RYR1: variants seen among roughly 807,000 people sequenced by gnomAD.
RYR1 encodes the protein ryanodine receptor 1.
RYR1 carries 342 observed loss-of-function variants against 583.5 expected under a neutral mutation model. That is an observed-to-expected ratio of 0.59 (90% CI 0.54 to 0.64). RYR1 has a LOEUF of 0.64. Among genes scored for constraint, RYR1 ranks in the 30% least tolerant of loss-of-function variants. The pLI is 0.00. For missense variants in RYR1, 6,032 were observed against 6,917.2 expected (o/e 0.87, Z 4.54); for synonymous variants, 2,791 against 2,822.5 (o/e 0.99, Z 0.35).
At chr19:38,567,216 G>C (rs1382325726) in intron 92 of RYR1, among the ~76,000 whole-genome samples, 1 of 152,126 alleles carries the variant, frequency 6.6e-6, no homozygotes, top group Non-Finnish European at 1.5e-5. Context: ...ATGGTGGTGT[G>C]TGGGGAGGCT....
At chr19:38,447,302 A>G (rs1600652164) in intron 9 of RYR1, among the ~76,000 whole-genome samples, 1 of 152,206 alleles carries the variant, frequency 6.6e-6, no homozygotes, top group East Asian at 1.9e-4. Flanking sequence ...GCACTTTGGG[A>G]GGCCGAGGCA....
chr19:38,500,515 C>G lies in RYR1; in HGVS notation c.7324-91C>G. 1 of 1,578,482 alleles carries G rather than the reference C, an allele frequency of 6.3e-7. No homozygotes were observed. The highest frequency in any genetic ancestry group is 1.1e-5 in the South Asian group (1 of 90,050). ...CCTCCTGAGAAAGAGGCCTGCTCTA[C>G]CCTCCTGTGTGGTAAGGGAGGGAGC... On this transcript the variant is annotated intron_variant, in intron 45 of 105. Coordinates refer to ENST00000359596, the MANE Select transcript of RYR1 (RefSeq NM_000540.3). The surrounding 1 kb of genome is among the most constrained non-coding windows in gnomAD (Gnocchi z 5.9).
In RYR1 at chr19:38,463,426, G is replaced by A; in HGVS notation, c.2581G>A (p.Val861Ile). The A allele has an allele frequency of 6.2e-7, 1 of 1,613,870 alleles. No homozygotes were observed. Among genetic ancestry groups the A allele is most frequent in the Non-Finnish European group, 8.5e-7 (1 of 1,179,972 alleles). ...AAGAACGTCCCTCTGCCTCTAGATT[G>A]TCCTGCCGCCCCATCTGGAGCGCAT... ...VPCPVDTVQI[V>I]LPPHLERIRE... is the part of the protein sequence containing the mutation. The change falls in exon 21 of 106, where the codon GTC becomes ATC. Residue 861 changes from valine to isoleucine, a missense_variant. Val to Ile is a conservative substitution (Grantham distance 29). Coordinates refer to ENST00000359596, the MANE Select transcript of RYR1 (RefSeq NM_000540.3).
rs939858980 is a variant in RYR1 at position 38,567,042 on chromosome 19, G to A, written c.13514+55G>A. The A allele has an allele frequency of 1.9e-5, 29 of 1,549,924 alleles. 1 individual carries two copies. In the Admixed American group the frequency reaches 4.1e-4, roughly 22 times the overall value. ...CCCCTATCACTGCCTCCCTCCTAGAGTAGGAGCCTCCAGAGGTCAGGCCCC... is the reference window on the plus strand; with the variant it reads ...CCCCTATCACTGCCTCCCTCCTAGAATAGGAGCCTCCAGAGGTCAGGCCCC... On this transcript the variant is annotated intron_variant, in intron 92 of 105. Coordinates refer to ENST00000359596, the MANE Select transcript of RYR1 (RefSeq NM_000540.3).
rs886054407 is a variant in RYR1 at position 38,565,676 on chromosome 19, C to G, written c.13342C>G (p.Pro4448Ala). ...CGTGACCGATGGGGGCCCCTTCCGG[C>G]CCGAAGGGGCTGGCGGTCTCGGGGA... Reference protein sequence around the residue: ...VAVTDGGPFRPEGAGGLGDMG... With the variant: ...VAVTDGGPFRAEGAGGLGDMG... The change falls in exon 91 of 106, where the codon CCC (proline) becomes GCC (alanine). Residue 4448 changes from proline (P) to alanine (A), a missense_variant. Coordinates refer to ENST00000359596, the MANE Select transcript of RYR1 (RefSeq NM_000540.3). This position sits in a 1 kb window ranked among gnomAD's most constrained non-coding sequence, Gnocchi z 4.7. The G allele has an allele frequency of 2.9e-6, 4 of 1,396,220 alleles. No homozygotes were observed. Among genetic ancestry groups the G allele is most frequent in the Middle Eastern group, 2.6e-4 (1 of 3,858 alleles). The allele number at this position is 1,396,220 out of a possible 1,614,324, so 86.5% of individuals were successfully genotyped here. A position where few individuals can be genotyped will look rare whatever the true frequency, so the allele number is the denominator to read the frequency against.
At chr19:38,463,290 C>T (rs1675562143) in intron 20 of RYR1, 133 bp from the exon 21 acceptor site, 1 of 725,084 alleles carries the variant, frequency 1.4e-6, no homozygotes, top group Non-Finnish European at 2.5e-6. Flanking sequence ...GGATGGGGAG[C>T]AGGGCTGCTG....
intron 95 of RYR1, 89 bp from the exon 96 acceptor site, chr19:38,573,088 A>G: frequency 6.3e-7 from 1 of 1,582,264 alleles, no homozygotes; most frequent in African/African-American, 1.3e-5. Flanking sequence ...GGTCACACAC[A>G]GACCCCAGCA....
At chr19:38,510,030 T>C (rs1024773253) in intron 58 of RYR1, among the ~76,000 whole-genome samples, 1 of 151,892 alleles carries the variant, frequency 6.6e-6, no homozygotes, top group Non-Finnish European at 1.5e-5. Context: ...GATCAAGGAG[T>C]TGTCAGCTTC....
chr19:38,549,647 C>G (rs1303687065), intron 89 of RYR1, among the ~76,000 whole-genome samples: 3 of 151,618 alleles, frequency 2.0e-5, no homozygotes, highest in African/African-American at 7.3e-5. Flanking sequence ...CCCACATTGC[C>G]CAAATGTTTT....
At position 38,586,516 on chromosome 19, in the gene RYR1, C is replaced by T. The variant is rs930599826; in HGVS notation, c.14970-9C>T. On this transcript the variant is annotated splice_polypyrimidine_tract_variant and intron_variant, in intron 104 of 105. Coordinates refer to ENST00000359596, the MANE Select transcript of RYR1 (RefSeq NM_000540.3). ...TCTGACTTGTCTCCTGTGGTCCTCT[C>T]ACCCTCAGGTTTTTCCTGATGTATT... is the stretch of plus-strand genomic sequence containing the variant. 1.2e-6 allele frequency: 2 copies of T among 1,613,342 alleles called. No homozygotes were observed. Among genetic ancestry groups the T allele is most frequent in the African/African-American group, 2.7e-5 (2 of 74,908 alleles).
At chr19:38,450,960 G>A (rs1006459738) in intron 11 of RYR1, among the ~76,000 whole-genome samples, 49 of 152,282 alleles carry the variant, frequency 3.2e-4, no homozygotes, top group African/African-American at 1.2e-3. Flanking sequence ...AAACTCTGCC[G>A]AGGACTCTGT....
chr19:38,448,258 C>A (rs1201132999), intron 9 of RYR1, 97 bp from the exon 10 acceptor site: 1 of 1,380,320 alleles, frequency 7.2e-7, no homozygotes, highest in Non-Finnish European at 9.9e-7. Context: ...ATAGCAAGAC[C>A]TGGTTTCTGT....
rs761622550 is a variant in RYR1 at position 38,505,871 on chromosome 19, G to T, written c.8466G>T (p.Thr2822=). ...SLKAMIAWEW[T]IEKAREGEEE... is the part of the protein sequence containing the mutation. ...AGGCCATGATTGCCTGGGAATGGAC[G>T]ATAGAGAAGGCCAGGGAGGGTGAGG... is the stretch of plus-strand genomic sequence containing the variant. The change falls in exon 54 of 106, where the codon ACG becomes ACT. Residue 2822 remains threonine (T), a synonymous_variant. Coordinates refer to ENST00000359596, the MANE Select transcript of RYR1 (RefSeq NM_000540.3). 1 of 1,614,108 alleles carries T rather than the reference G, an allele frequency of 6.2e-7. No individual in the cohort carries two copies. Among genetic ancestry groups the T allele is most frequent in the Non-Finnish European group, 8.5e-7 (1 of 1,180,016 alleles).
chr19:38,434,357 G>A (rs992318191), intron 1 of RYR1, among the ~76,000 whole-genome samples: 2 of 152,118 alleles, frequency 1.3e-5, no homozygotes, highest in Non-Finnish European at 2.9e-5. Flanking sequence ...TGAGGGTCTT[G>A]TGGGGGAGGG....
intron 2 of RYR1, 45 bp from the exon 3 acceptor site, chr19:38,442,303 TG>T (rs757464470): frequency 2.1e-5 from 25 of 1,176,502 alleles, no homozygotes; most frequent in Admixed American, 5.7e-5. Flanking sequence ...GTTGCTGGGG[TG>T]GGGGGGTCTT....
At chr19:38,532,346 C>T (rs1407531023) in intron 76 of RYR1, 144 bp from the exon 77 acceptor site, 7 of 806,728 alleles carry the variant, frequency 8.7e-6, no homozygotes, top group Non-Finnish European at 1.3e-5. Context: ...TGGTTTCAGA[C>T]TCCTGATCTC....
At position 38,460,454 on chromosome 19, in the gene RYR1, G is replaced by T. The variant is rs1017739421; in HGVS notation, c.2440G>T (p.Val814Leu). 12 of 1,614,118 alleles carry T rather than the reference G, an allele frequency of 7.4e-6. No individual in the cohort carries two copies. The highest frequency in any genetic ancestry group is 9.3e-6 in the Non-Finnish European group (11 of 1,180,062). Residue 814 changes from valine (V) to leucine (L), a missense_variant, in exon 20 of 106, where the codon GTG (valine) becomes TTG (leucine). This residue lies in a region of RYR1 where 2,627 missense variants were observed against 2,961.3 expected (regional missense o/e 0.89). Coordinates refer to ENST00000359596, the MANE Select transcript of RYR1 (RefSeq NM_000540.3). Reference sequence around the variant, plus strand: ...TGGCTATGCTCCATGCCATGAGGCTGTGCTCCCTCGAGAGCGACTCCATCT... The same window carrying T: ...TGGCTATGCTCCATGCCATGAGGCTTTGCTCCCTCGAGAGCGACTCCATCT... ...PPGYAPCHEA[V>L]LPRERLHLEP... is the part of the protein sequence containing the mutation.
intron 48 of RYR1, 60 bp from the exon 49 acceptor site, chr19:38,502,814 AGCAGGG>A: frequency 1.6e-5 from 11 of 690,450 alleles, no homozygotes; most frequent in South Asian, 2.2e-5. Context: ...CAGGGGGAGG[AGCAGGG>A]GCAGGGGCAG....
rs1970492306 is a variant in RYR1 at position 38,507,083 on chromosome 19, G to T, written c.8816+131G>T. ...GAGGAGCAAAGATGGAACCAGAGGG[G>T]AGGAGCTAAGGGAGTGGGGCCTGGA... On this transcript the variant is annotated intron_variant, in intron 57 of 105. Coordinates refer to ENST00000359596, the MANE Select transcript of RYR1 (RefSeq NM_000540.3). 4.2e-6 allele frequency: 6 copies of T among 1,435,798 alleles called. No individual in the cohort carries two copies. The Admixed American group carries it at 1.0e-4, about 25-fold the overall frequency. 88.9% of individuals were successfully genotyped at this position (1,435,798 alleles called of 1,614,324 possible). A position where few individuals can be genotyped will look rare whatever the true frequency, so the allele number is the denominator to read the frequency against.
Sources: allele counts gnomAD v4.1 joint callset (sites outside exome capture counted in the v4.1 genomes callset), GRCh38; gene constraint gnomAD v4.1.1; regional missense constraint gnomAD v4.1.1; non-coding constraint Gnocchi (gnomAD v3.1); transcripts MANE v1.5; gene names NCBI Gene and HGNC (gene_info 2026-07-23, HGNC 2026-07-21).